ZNF76: variants seen among roughly 807,000 people sequenced by gnomAD.
ZNF76 encodes zinc finger protein 523.
In ZNF76, 66 loss-of-function variants were observed where a neutral mutation model predicts 66.9. The ratio of observed to expected loss-of-function variants is 0.99; its 90% CI spans 0.81 to 1.21. ZNF76 has a LOEUF of 1.21. Ranked by LOEUF, ZNF76 falls within the 50% of genes most tolerant of loss-of-function variation. The pLI is 0.00. For synonymous variants in ZNF76, 275 were observed against 296.1 expected (o/e 0.93, Z 0.73); for missense variants, 729 against 760.3 (o/e 0.96, Z 0.48).
chr6:35,290,449 T>C, intron 6 of ZNF76, 67 bp downstream of exon 6: 1 of 1,595,548 alleles, frequency 6.3e-7, no homozygotes, highest in Non-Finnish European at 8.6e-7. Flanking sequence ...TCTACCTTTC[T>C]GCTTTGATTG....
Position 35,286,312 on chromosome 6 carries a change from C to G in ZNF76, c.155-10C>G, listed in dbSNP as rs374969135. 3.2e-5 allele frequency: 51 copies of G among 1,614,066 alleles called. No homozygotes were observed. The African/African-American group carries it at 4.1e-4, about 13-fold the overall frequency. On this transcript the variant is annotated splice_polypyrimidine_tract_variant and intron_variant, in intron 3 of 13. Coordinates refer to ENST00000373953, the MANE Select transcript of ZNF76 (RefSeq NM_003427.5). ...GCTCCAGGGAAAGGCAGGCATTGCT[C>G]TCGTTACAGAAGCTCTCTCCTTTGA...
chr6:35,295,135 T>C lies in ZNF76; in HGVS notation c.1609-9T>C. On this transcript the variant is annotated splice_polypyrimidine_tract_variant and intron_variant, in intron 13 of 13. Transcript: ENST00000373953. ...CTGTCTCCTTCCTTCTGCACCCCCT[T>C]CCCCACAGCTGGAGGAACAGCAGAC... 1 of 1,607,164 alleles carries C rather than the reference T, an allele frequency of 6.2e-7. No individual in the cohort carries two copies. The highest frequency in any genetic ancestry group is 2.2e-5 in the East Asian group (1 of 44,626).
At position 35,290,668 on chromosome 6, in the gene ZNF76, CG is replaced by C. The variant is rs1562127238; in HGVS notation, c.578del (p.Arg193LeufsTer20). ...GCATGAACGAGCTCATACAGGTGAC[CG>C]TCCATACAGATGTGACTTCCCCAGC... ...KVHERAHTGD[R>X]PYRCDFPSCG... On this transcript the variant is annotated frameshift_variant, in exon 7 of 14. Coordinates refer to ENST00000373953, the MANE Select transcript of ZNF76 (RefSeq NM_003427.5). LOFTEE classifies it high-confidence loss of function. 1.9e-6 allele frequency: 3 copies of C among 1,614,188 alleles called. No individual in the cohort carries two copies. The highest frequency in any genetic ancestry group is 2.5e-6 in the Non-Finnish European group (3 of 1,180,030).
chr6:35,269,920 G>A (rs1280119717), intron 1 of ZNF76, among the ~76,000 whole-genome samples: 1 of 152,086 alleles, frequency 6.6e-6, no homozygotes, highest in African/African-American at 2.4e-5. Context: ...TTATAGAATG[G>A]CCTCCATGAA....
At position 35,295,340 on chromosome 6, in the gene ZNF76, T is replaced by C. The variant is rs1001727077; in HGVS notation, c.*92T>C. On this transcript the variant is annotated 3_prime_UTR_variant, in exon 14 of 14. Coordinates refer to ENST00000373953, the MANE Select transcript of ZNF76 (RefSeq NM_003427.5). ...AAGGGCCCAGGCTGTGGCTGACACA[T>C]AGAAGGTGGCCACATAGGTCTCTGG... The C allele has an allele frequency of 2.6e-6, 3 of 1,142,946 alleles. No individual in the cohort carries two copies. The highest frequency in any genetic ancestry group is 1.5e-5 in the African/African-American group (1 of 65,340). 70.8% of individuals were successfully genotyped at this position (1,142,946 alleles called of 1,614,324 possible).
intron 8 of ZNF76, 33 bp downstream of exon 8, chr6:35,291,436 C>G: frequency 1.2e-6 from 2 of 1,613,872 alleles, no homozygotes; most frequent in Non-Finnish European, 1.7e-6. Flanking sequence ...CAACCCCATT[C>G]CCTGGGCAAA....
intron 1 of ZNF76, among the ~76,000 whole-genome samples, chr6:35,276,560 A>G (rs1787917795): frequency 6.6e-6 from 1 of 152,332 alleles, no homozygotes; most frequent in Non-Finnish European, 1.5e-5. Flanking sequence ...GCTACACAGA[A>G]GTTCAGCCTG....
rs760935688 is a variant in ZNF76 at position 35,292,846 on chromosome 6, G to T, written c.1166-35G>T. 6.2e-7 allele frequency: 1 copy of T among 1,613,890 alleles called. No individual in the cohort carries two copies. Among genetic ancestry groups the T allele is most frequent in the East Asian group, 2.2e-5 (1 of 44,878 alleles). On this transcript the variant is annotated intron_variant, in intron 10 of 13. Transcript: ENST00000373953. This position sits in a 1 kb window ranked among gnomAD's most constrained non-coding sequence, Gnocchi z 4.7. The stretch of plus-strand genomic sequence containing the variant: ...CAAGCCAGGCCTCCCCATGGCATCT[G>T]GTAGCAGATGTCAGCCTTGGCTCTC...
intron 5 of ZNF76, chr6:35,288,411 G>C: frequency 2.9e-6 from 1 of 344,998 alleles, no homozygotes; most frequent in South Asian, 2.2e-5. Flanking sequence ...GCAAATACCA[G>C]TCAGTCCAAG....
chr6:35,288,674 A>C (rs1165694256), intron 5 of ZNF76, among the ~76,000 whole-genome samples: 1 of 152,232 alleles, frequency 6.6e-6, no homozygotes, highest in Non-Finnish European at 1.5e-5. Flanking sequence ...AATGAAGCAC[A>C]GGCCGGGAGC....
chr6:35,275,479 A>G (rs1787753088), intron 1 of ZNF76, among the ~76,000 whole-genome samples: 1 of 152,084 alleles, frequency 6.6e-6, no homozygotes, highest in African/African-American at 2.4e-5. Flanking sequence ...TGCCCATGTC[A>G]CTGTTGTTAG....
rs1351501306 is a variant in ZNF76, at chr6:35,272,485, G to GTC, written c.-96-8570_-96-8569insCT. Among the ~76,000 whole-genome samples, 13 of 16,736 alleles carry GTC rather than the reference G, an allele frequency of 7.8e-4. No individual in the cohort carries two copies. In the East Asian group the frequency reaches 0.022, roughly 28 times the overall value. The allele number at this position is 16,736 out of a possible 152,430, so 11.0% of individuals were successfully genotyped here. On this transcript the variant is annotated intron_variant, in intron 1 of 13. Transcript: ENST00000373953. ...ACCCTGTTTCTGTGTGTGTGTGTGT[G>GTC]TGTGTGTGTGTGTGTGTGTGTGTGT...
At chr6:35,284,184 C>T (rs1158853860) in intron 2 of ZNF76, among the ~76,000 whole-genome samples, 1 of 152,038 alleles carries the variant, frequency 6.6e-6, no homozygotes, top group East Asian at 1.9e-4. Context: ...CTTCGCCTCC[C>T]GGGTTCAAGC....
chr6:35,292,607 T>C lies in ZNF76; in HGVS notation c.985T>C (p.Tyr329His), dbSNP rs763169444. The part of the protein sequence containing the change: ...VPGCGKRFTE[Y>H]SSLYKHHVVH... The stretch of plus-strand genomic sequence containing the variant: ...AGGCTGCGGGAAACGCTTCACCGAG[T>C]ACTCGAGCTTGTATAAGCACCACGT... The change falls in exon 10 of 14, where the codon TAC becomes CAC. Residue 329 changes from tyrosine to histidine, a missense_variant. Physicochemically the swap from Tyr to His is moderately conservative, Grantham distance 83. Transcript: ENST00000373953. This position sits in a 1 kb window ranked among gnomAD's most constrained non-coding sequence, Gnocchi z 4.7. 1 of 1,613,548 alleles carries C rather than the reference T, an allele frequency of 6.2e-7. No individual in the cohort carries two copies. Among genetic ancestry groups the C allele is most frequent in the Non-Finnish European group, 8.5e-7 (1 of 1,180,006 alleles).
At chr6:35,274,466 A>G (rs2150351146) in intron 1 of ZNF76, among the ~76,000 whole-genome samples, 1 of 152,364 alleles carries the variant, frequency 6.6e-6, no homozygotes, top group Non-Finnish European at 1.5e-5. Flanking sequence ...CACAAAAACC[A>G]TGGCTACTCT....
chr6:35,294,293 C>G, intron 12 of ZNF76, 163 bp from the exon 13 acceptor site: 1 of 611,098 alleles, frequency 1.6e-6, no homozygotes, highest in South Asian at 2.0e-5. Context: ...GGAAACCCAG[C>G]CTTACTTAGC....
At chr6:35,278,428 C>T (rs375147762) in intron 1 of ZNF76, among the ~76,000 whole-genome samples, 1 of 152,194 alleles carries the variant, frequency 6.6e-6, no homozygotes, top group African/African-American at 2.4e-5. Context: ...GATATTGATC[C>T]GCTCGCCCCT....
chr6:35,272,667 C>T (rs959574306), intron 1 of ZNF76, among the ~76,000 whole-genome samples: 5 of 152,214 alleles, frequency 3.3e-5, no homozygotes, highest in Non-Finnish European at 5.9e-5. Flanking sequence ...GAGACAGGGT[C>T]TTGCTTTGTC....
In ZNF76 at chr6:35,290,486, G is replaced by A. The variant is rs77906070; in HGVS notation, c.549+104G>A. 2.2e-3 allele frequency: 3,349 copies of A among 1,547,876 alleles called. 67 individuals carry two copies. The African/African-American group carries it at 0.036, about 17-fold the overall frequency. On this transcript the variant is annotated intron_variant, in intron 6 of 13. Coordinates refer to ENST00000373953, the MANE Select transcript of ZNF76 (RefSeq NM_003427.5). ...AATTGGTCCCTGCCCTCACGTTGCT[G>A]GAGGGAAGAAATGAGGGTACACAGG...
Sources: gnomAD v4.1 joint callset for allele counts (sites outside exome capture counted in the v4.1 genomes callset) on GRCh38, gnomAD v4.1.1 for gene constraint, Gnocchi (gnomAD v3.1) non-coding constraint, MANE v1.5 for transcripts, NCBI Gene and HGNC (gene_info 2026-07-23, HGNC 2026-07-21) for gene names.